SMTN: variants seen among roughly 807,000 people sequenced by gnomAD.
SMTN encodes smoothelin.
Under a neutral mutation model 102.0 loss-of-function variants are expected in SMTN, and 58 were observed. The observed-to-expected ratio is 0.57, with a 90% confidence interval of 0.46 to 0.71. The LOEUF is 0.71. Ranked by LOEUF, SMTN falls within the 30% of genes least tolerant of loss-of-function variation. SMTN has a pLI of 0.00. For missense variants in SMTN, 1,185 were observed against 1,241.7 expected (o/e 0.95, Z 0.69); for synonymous variants, 478 against 497.9 (o/e 0.96, Z 0.53).
At position 31,091,352 on chromosome 22, in the gene SMTN, G is replaced by A. The variant is rs768088785; in HGVS notation, c.1329G>A (p.Pro443=). The A allele has an allele frequency of 6.5e-5, 105 of 1,605,256 alleles. No individual in the cohort carries two copies. The highest frequency in any genetic ancestry group is 2.0e-4 in the Admixed American group (12 of 59,152). ...PVARSEEPGA[P]LPVAVGTAEP... ...CACGTTCAGAGGAGCCTGGTGCCCC[G>A]CTGCCCGTGGCCGTCGGCACTGCCG... Residue 443 remains proline, a synonymous_variant, in exon 10 of 21, where the codon CCG becomes CCA. Transcript: ENST00000333137.
chr22:31,099,616 C>G (rs950047240), intron 18 of SMTN, 129 bp from the exon 19 acceptor site: 1 of 936,934 alleles, frequency 1.1e-6, no homozygotes, highest in Non-Finnish European at 1.6e-6. Context: ...TCCAACTATT[C>G]ACTCATTGTG....
Position 31,091,424 on chromosome 22 carries a change from C to T in SMTN, c.1401C>T (p.Asp467=), listed in dbSNP as rs373942859. 6.2e-5 allele frequency: 96 copies of T among 1,553,924 alleles called. No individual in the cohort carries two copies. Among genetic ancestry groups the T allele is most frequent in the Middle Eastern group, 5.2e-4 (3 of 5,792 alleles). The change falls in exon 10 of 21, where the codon GAC becomes GAT. Residue 467 remains aspartate, a synonymous_variant. Transcript: ENST00000333137. Reference sequence around the variant, plus strand: ...CCACATTCACCATCGAGATCAAGGACGGCCGTGGCCAGGCCTCCACAGGCC... The same window carrying T: ...CCACATTCACCATCGAGATCAAGGATGGCCGTGGCCAGGCCTCCACAGGCC... ...MKTTFTIEIK[D]GRGQASTGRV... is the part of the protein sequence containing the mutation.
chr22:31,097,519 C>T (rs1956044251), intron 16 of SMTN, among the ~76,000 whole-genome samples, 181 bp downstream of exon 16: 1 of 151,968 alleles, frequency 6.6e-6, no homozygotes, highest in Admixed American at 6.6e-5. Context: ...GCCTGGCCAA[C>T]ATGGTAAAAC....
At chr22:31,080,558 CT>C (rs2042250104), upstream of SMTN, 1 of 152,262 alleles carries the variant, frequency 6.6e-6, no homozygotes, top group Non-Finnish European at 1.5e-5. Flanking sequence ...CCTTGTGGAT[CT>C]GACCTCCTGG....
At chr22:31,071,145 CAGG>C (rs2041988457) in intron 1 of SMTN, among the ~76,000 whole-genome samples, 1 of 151,204 alleles carries the variant, frequency 6.6e-6, no homozygotes, top group African/African-American at 2.4e-5. Flanking sequence ...GTGGCTGAGG[CAGG>C]AGGATTGCTT....
chr22:31,096,500 G>A (rs905114928), intron 13 of SMTN: 16 of 446,316 alleles, frequency 3.6e-5, no homozygotes, highest in Non-Finnish European at 5.1e-5. Flanking sequence ...TAGCTACTCC[G>A]TATTCTCTAG....
intron 11 of SMTN, 145 bp downstream of exon 11, chr22:31,091,992 A>T (rs2043178174): frequency 2.6e-6 from 2 of 767,300 alleles, no homozygotes; most frequent in Middle Eastern, 3.9e-4. Context: ...GTGGCTGCTC[A>T]CAGACCACAG....
intron 2 of SMTN, chr22:31,083,696 G>A (rs1239516986): frequency 5.6e-6 from 1 of 178,662 alleles, no homozygotes; most frequent in Non-Finnish European, 1.2e-5. Flanking sequence ...TAATGCCAAG[G>A]CCTGGCAGGG....
At position 31,087,948 on chromosome 22, in the gene SMTN, T is replaced by C. The variant is rs11704901; in HGVS notation, c.52-17T>C. 0.041 allele frequency: 63,896 copies of C among 1,571,322 alleles called. 1,508 individuals carry two copies. Among genetic ancestry groups the C allele is most frequent in the Middle Eastern group, 0.091 (529 of 5,782 alleles). The stretch of plus-strand genomic sequence containing the variant: ...CCCCTGGCAGCCAAAATGACCTGCC[T>C]CTCGCACCCACTGCAGCTGGAGGTC... On this transcript the variant is annotated splice_polypyrimidine_tract_variant and intron_variant, in intron 2 of 20. Coordinates refer to ENST00000333137, the MANE Select transcript of SMTN (RefSeq NM_134269.3).
chr22:31,065,694 T>G (rs995545839), intron 1 of SMTN: 1 of 151,790 alleles, frequency 6.6e-6, no homozygotes, highest in Admixed American at 6.6e-5. Context: ...CCGTCTACTT[T>G]TCTTCAGTAA....
chr22:31,098,686 C>G lies in SMTN; in HGVS notation c.2179C>G (p.Gln727Glu). 6.2e-7 allele frequency: 1 copy of G among 1,613,512 alleles called. No individual in the cohort carries two copies. Among genetic ancestry groups the G allele is most frequent in the Non-Finnish European group, 8.5e-7 (1 of 1,179,892 alleles). The change falls in exon 17 of 21, where the codon CAG becomes GAG. Residue 727 changes from glutamine to glutamate, a missense_variant. By Grantham distance (29) the Gln-to-Glu change is conservative. This residue lies in a region of SMTN where 1,096 missense variants were observed against 1,112.7 expected (regional missense o/e 0.98). Coordinates refer to ENST00000333137, the MANE Select transcript of SMTN (RefSeq NM_134269.3). ...KMGSIFDREDQASPRAGSLAA... is the reference protein window; with the variant it reads ...KMGSIFDREDEASPRAGSLAA... ...CCCTAGCATCTTCGACCGCGAGGAC[C>G]AGGCCAGCCCACGGGCCGGCAGCCT...
At chr22:31,075,956 C>G (rs1283949514) in intron 1 of SMTN, among the ~76,000 whole-genome samples, 1 of 152,232 alleles carries the variant, frequency 6.6e-6, no homozygotes. Flanking sequence ...CAGGCCCCAA[C>G]TGGCAGTGGC....
intron 2 of SMTN, chr22:31,085,311 C>CGCCCTGCGAGGGAGGGCGGT (rs2147600074): frequency 6.7e-7 from 1 of 1,486,850 alleles, no homozygotes. Context: ...GCGAGGGCGG[C>CGCCCTGCGAGGGAGGGCGGT]GCCCTGCGAG....
chr22:31,093,574 G>T (rs777881012), intron 11 of SMTN: 37 of 737,242 alleles, frequency 5.0e-5, no homozygotes, highest in Non-Finnish European at 9.0e-5. Flanking sequence ...GGCAGCCGAG[G>T]TAGCTGTAGC....
rs1219118509 is a variant in SMTN, at chr22:31,099,170, C to T, written c.2442C>T (p.Arg814=). 7 of 1,611,672 alleles carry T rather than the reference C, an allele frequency of 4.3e-6. No individual in the cohort carries two copies. The highest frequency in any genetic ancestry group is 5.1e-6 in the Non-Finnish European group (6 of 1,179,058). ...TGGACTGGTGTCGAGCCAAGACTCG[C>T]GGCTACGAGGTGAGCCCCGGGAGGC... ...MLLDWCRAKT[R]GYEHVDIQNF... is the part of the protein sequence containing the mutation. Residue 814 remains arginine (R), a synonymous_variant, in exon 18 of 21, where the codon CGC becomes CGT. Coordinates refer to ENST00000333137, the MANE Select transcript of SMTN (RefSeq NM_134269.3).
chr22:31,080,945 T>G (rs2042265675), upstream of SMTN, among the ~76,000 whole-genome samples: 1 of 149,872 alleles, frequency 6.7e-6, no homozygotes, highest in South Asian at 2.1e-4. Flanking sequence ...AGGGGTGGAG[T>G]CGAGGGAGGG....
intron 2 of SMTN, chr22:31,085,229 G>T: frequency 6.5e-7 from 1 of 1,533,740 alleles, no homozygotes; most frequent in Non-Finnish European, 8.7e-7. Flanking sequence ...TCCGGACACT[G>T]AAGCAGGCGG....
chr22:31,082,449 C>T (rs1438961753), intron 1 of SMTN: 2 of 465,368 alleles, frequency 4.3e-6, no homozygotes, highest in Non-Finnish European at 8.9e-6. Context: ...ACATCCTTCT[C>T]TGCCCTCTAA....
At position 31,088,297 on chromosome 22, in the gene SMTN, C is replaced by T. The variant is rs142977113; in HGVS notation, c.200+184C>T. 2,277 of 833,130 alleles carry T rather than the reference C, an allele frequency of 2.7e-3. 34 individuals are homozygous for T. The highest frequency in any genetic ancestry group is 1.2e-3 in the Non-Finnish European group (642 of 543,524). The allele number at this position is 833,130 out of a possible 1,614,324, so 51.6% of individuals were successfully genotyped here. A position where few individuals can be genotyped will look rare whatever the true frequency, so the allele number is the denominator to read the frequency against. ...GGCATGGAGCATGTACTGATTGTGG[C>T]GTCGCGGCCGTGCTGATGTAGCCAG... On this transcript the variant is annotated intron_variant, in intron 3 of 20. Transcript: ENST00000333137.
Sources: gnomAD v4.1 joint callset for allele counts (sites outside exome capture counted in the v4.1 genomes callset) on GRCh38, gnomAD v4.1.1 for gene constraint, gnomAD v4.1.1 regional missense constraint, MANE v1.5 for transcripts, NCBI Gene and HGNC (gene_info 2026-07-23, HGNC 2026-07-21) for gene names.